The following LRP6 variants were observed in gnomAD, a reference collection of about 807,000 sequenced individuals.
LRP6 encodes LDL receptor related protein 6.
In LRP6, 43 loss-of-function variants were observed where a neutral mutation model predicts 184.1. The ratio of observed to expected loss-of-function variants is 0.23; its 90% CI spans 0.18 to 0.30. LRP6 has a LOEUF of 0.30. LRP6 is among the 10% of genes least tolerant of loss of function. The probability of loss-of-function intolerance (pLI) is 1.00; values close to 1 mark genes in which losing one functional copy is unlikely to be tolerated. For synonymous variants in LRP6, 719 were observed against 684.9 expected (o/e 1.05, Z -0.78); for missense variants, 1,571 against 2,005.3 (o/e 0.78, Z 4.14).
intron 2 of LRP6, among the ~76,000 whole-genome samples, chr12:12,211,338 AG>A (rs1864205805): frequency 6.6e-6 from 1 of 152,096 alleles, no homozygotes; most frequent in African/African-American, 2.4e-5. Flanking sequence ...GCTACTTGGG[AG>A]GCTGAGGCAG....
At chr12:12,212,666 A>C (rs915528536) in intron 2 of LRP6, among the ~76,000 whole-genome samples, 12 of 152,332 alleles carry the variant, frequency 7.9e-5, no homozygotes, top group Non-Finnish European at 1.3e-4. Context: ...TTGTCTCAGA[A>C]GGTATACTAG....
chr12:12,260,351 C>A (rs1360339641), intron 1 of LRP6, among the ~76,000 whole-genome samples: 1 of 150,236 alleles, frequency 6.7e-6, no homozygotes, highest in Non-Finnish European at 1.5e-5. Flanking sequence ...GCACTCCAGC[C>A]TGGGCGACTG....
intron 13 of LRP6, 73 bp downstream of exon 13, chr12:12,150,763 A>C (rs571195237): frequency 4.4e-4 from 664 of 1,500,350 alleles, no homozygotes; most frequent in Non-Finnish European, 3.4e-4. Context: ...GTCAAGACTT[A>C]AGTGAAACAG....
At chr12:12,124,484 T>C (rs917204340) in intron 22 of LRP6, 81 bp downstream of exon 22, 25 of 939,772 alleles carry the variant, frequency 2.7e-5, no homozygotes, top group Non-Finnish European at 3.9e-5. Flanking sequence ...CATCGTCTAC[T>C]CATTTGGGGC....
intron 2 of LRP6, among the ~76,000 whole-genome samples, chr12:12,219,815 G>GT (rs1864440187): frequency 6.6e-6 from 1 of 152,180 alleles, no homozygotes; most frequent in African/African-American, 2.4e-5. Flanking sequence ...AGGGTTACGT[G>GT]TAAGTCCTGA....
At chr12:12,160,077 G>C in intron 10 of LRP6, 113 bp from the exon 11 acceptor site, 1 of 753,304 alleles carries the variant, frequency 1.3e-6, no homozygotes, top group Non-Finnish European at 2.1e-6. Context: ...AGCAAATCAA[G>C]GAAATGGGTT....
intron 19 of LRP6, among the ~76,000 whole-genome samples, chr12:12,128,529 T>C (rs1949704513): frequency 6.6e-6 from 1 of 152,182 alleles, no homozygotes; most frequent in African/African-American, 2.4e-5. Flanking sequence ...AGTGGGATAT[T>C]CCATGAGTAC....
In LRP6 at chr12:12,224,725, G is replaced by T. The variant is rs1864573360; in HGVS notation, c.449+19537C>A. Among the ~76,000 whole-genome samples the T allele has an allele frequency of 2.0e-5, 3 of 152,176 alleles. No individual in the cohort carries two copies. In the South Asian group the frequency reaches 6.2e-4, roughly 32 times the overall value. ...CTTACCCAGCTCAGTCTCACTATAA[G>T]GATTTTTAAACAAAATCAGTCCAGT... is the stretch of plus-strand genomic sequence containing the variant. On this transcript the variant is annotated intron_variant, in intron 2 of 22. Coordinates refer to ENST00000261349, the MANE Select transcript of LRP6 (RefSeq NM_002336.3).
chr12:12,124,800 G>A (rs1591860299), intron 21 of LRP6, 138 bp from the exon 22 acceptor site: 1 of 634,712 alleles, frequency 1.6e-6, no homozygotes, highest in South Asian at 2.1e-5. Flanking sequence ...CCAAAGAATT[G>A]ACCTCAAACA....
chr12:12,203,167 T>G (rs1388046306), intron 3 of LRP6, 36 bp downstream of exon 3: 14 of 1,499,036 alleles, frequency 9.3e-6, no homozygotes, highest in African/African-American at 1.4e-5. Flanking sequence ...TTCATCGAGT[T>G]TTCTTAAAAG....
chr12:12,199,907 T>C (rs1863867067), intron 3 of LRP6, among the ~76,000 whole-genome samples: 1 of 127,762 alleles, frequency 7.8e-6, no homozygotes, highest in Admixed American at 1.1e-4. Flanking sequence ...GAGGTTGCAG[T>C]GAGCTTGAGA....
rs58540250 is a variant in LRP6, at chr12:12,164,919, T to TAAAAAAAAAAAAAAAAAAAAAAAAA, written c.1762+135_1762+159dup. 3.5e-4 allele frequency among the ~76,000 whole-genome samples: 20 copies of TAAAAAAAAAAAAAAAAAAAAAAAAA among 57,086 alleles called. 3 individuals are homozygous for TAAAAAAAAAAAAAAAAAAAAAAAAA. Among genetic ancestry groups the TAAAAAAAAAAAAAAAAAAAAAAAAA allele is most frequent in the Middle Eastern group, 0.016 (2 of 126 alleles). 37.5% of individuals were successfully genotyped at this position (57,086 alleles called of 152,430 possible). On this transcript the variant is annotated intron_variant, in intron 8 of 22. Coordinates refer to ENST00000261349, the MANE Select transcript of LRP6 (RefSeq NM_002336.3). ...CAACGTTTAAAAGGTCCCTTCTCAGTAAAAAAAAAAAAAAAAAAAAAAAAA... is the reference window on the plus strand; with the variant it reads ...CAACGTTTAAAAGGTCCCTTCTCAGTAAAAAAAAAAAAAAAAAAAAAAAAAAAAAAAAAAAAAAAAAAAAAAAAAA...
Position 12,119,983 on chromosome 12 carries a change from CAAACA to C in LRP6, c.*1138_*1142del, listed in dbSNP as rs1380858376. The C allele has an allele frequency of 7.1e-5, 4 of 56,636 alleles. No individual in the cohort carries two copies. The highest frequency in any genetic ancestry group is 1.3e-4 in the African/African-American group (2 of 15,276). The allele number at this position is 56,636 out of a possible 1,614,324, so 3.5% of individuals were successfully genotyped here. ...ATGTTTTACTCAGAAAACAAACAAA[CAAACA>C]AAATATATATATATATATATATATA... On this transcript the variant is annotated 3_prime_UTR_variant, in exon 23 of 23. Coordinates refer to ENST00000261349, the MANE Select transcript of LRP6 (RefSeq NM_002336.3).
Position 12,266,872 on chromosome 12 carries a change from G to T in LRP6, c.-137C>A. 1.3e-6 allele frequency: 1 copy of T among 794,934 alleles called. No individual in the cohort carries two copies. The highest frequency in any genetic ancestry group is 2.1e-6 in the Non-Finnish European group (1 of 466,036). The allele number at this position is 794,934 out of a possible 1,614,324, so 49.2% of individuals were successfully genotyped here. ...CTTCCCAGCGAGAGAAGAAAGAAAGGGGCACGTCAAGGTTCCGCGCGCGCC... is the reference window on the plus strand; with the variant it reads ...CTTCCCAGCGAGAGAAGAAAGAAAGTGGCACGTCAAGGTTCCGCGCGCGCC... On this transcript the variant is annotated 5_prime_UTR_variant, in exon 1 of 23. Coordinates refer to ENST00000261349, the MANE Select transcript of LRP6 (RefSeq NM_002336.3).
At chr12:12,206,285 G>A (rs1864054449) in intron 2 of LRP6, among the ~76,000 whole-genome samples, 1 of 152,148 alleles carries the variant, frequency 6.6e-6, no homozygotes, top group Non-Finnish European at 1.5e-5. Flanking sequence ...GCTCACGCCT[G>A]TAATCCTAGC....
At chr12:12,192,771 G>A (rs74061128) in intron 3 of LRP6, among the ~76,000 whole-genome samples, 29,839 of 151,790 alleles carry the variant, frequency 0.2, 3,632 homozygotes, top group African/African-American at 0.34. Context: ...AAGGAAAAAT[G>A]GGCAGTTCAA....
At chr12:12,227,213 G>A (rs749919121) in intron 2 of LRP6, among the ~76,000 whole-genome samples, 1 of 152,094 alleles carries the variant, frequency 6.6e-6, no homozygotes, top group African/African-American at 2.4e-5. Flanking sequence ...TCCTTAAAAA[G>A]TGAAGGAGAA....
intron 2 of LRP6, among the ~76,000 whole-genome samples, chr12:12,240,746 T>C (rs557901119): frequency 6.6e-6 from 1 of 152,234 alleles, no homozygotes; most frequent in South Asian, 2.1e-4. Flanking sequence ...AAAACACCCT[T>C]AAACTTGACA....
chr12:12,215,699 G>A (rs1591955190), intron 2 of LRP6, among the ~76,000 whole-genome samples: 1 of 149,080 alleles, frequency 6.7e-6, no homozygotes, highest in East Asian at 2.1e-4. Flanking sequence ...AGGTATTAAA[G>A]ATCAGAGTTT....
Sources: allele counts gnomAD v4.1 joint callset (sites outside exome capture counted in the v4.1 genomes callset), GRCh38; gene constraint gnomAD v4.1.1; transcripts MANE v1.5; gene names NCBI Gene and HGNC (gene_info 2026-07-23, HGNC 2026-07-21).